The following PTPRM variants were observed in gnomAD, a reference collection of about 807,000 sequenced individuals.
PTPRM encodes receptor-type tyrosine-protein phosphatase mu.
PTPRM carries 47 observed loss-of-function variants against 186.7 expected under a neutral mutation model. The ratio of observed to expected loss-of-function variants is 0.25; its 90% CI spans 0.20 to 0.32. The LOEUF (loss-of-function observed/expected upper bound fraction) is 0.32. Ranked by LOEUF, PTPRM falls within the 10% of genes least tolerant of loss-of-function variation. PTPRM has a pLI of 1.00. For synonymous variants in PTPRM, 668 were observed against 674.9 expected, an observed-to-expected ratio of 0.99 and a Z score of 0.16; for missense variants, 1,494 against 1,865.0, an observed-to-expected ratio of 0.80 and a Z score of 3.66.
chr18:7,828,271 A>T (rs1413282049), intron 2 of PTPRM, among the ~76,000 whole-genome samples: 3 of 149,308 alleles, frequency 2.0e-5, no homozygotes, highest in Non-Finnish European at 3.0e-5. Flanking sequence ...TATTATTATT[A>T]TACTTTAAGT....
At position 8,343,647 on chromosome 18, in the gene PTPRM, C is replaced by T. The variant is rs952012335; in HGVS notation, c.3054+127C>T. 3 of 685,564 alleles carry T rather than the reference C, an allele frequency of 4.4e-6. No individual in the cohort carries two copies. In the African/African-American group the frequency reaches 5.5e-5, roughly 13 times the overall value. 42.5% of individuals were successfully genotyped at this position (685,564 alleles called of 1,614,324 possible). Reference sequence around the variant, plus strand: ...CAAAACATTAACTACTCCAGCTCCTCCTATTGCTTGCTGCACTTGCTTATA... The same window carrying T: ...CAAAACATTAACTACTCCAGCTCCTTCTATTGCTTGCTGCACTTGCTTATA... On this transcript the variant is annotated intron_variant, in intron 23 of 32. Coordinates refer to ENST00000580170, the MANE Select transcript of PTPRM (RefSeq NM_001105244.2).
rs2144461804 is a variant in PTPRM at position 7,668,770 on chromosome 18, T to C, written c.73+100879T>C. 6.6e-6 allele frequency among the ~76,000 whole-genome samples: 1 copy of C among 152,308 alleles called. No homozygotes were observed. The highest frequency in any genetic ancestry group is 3.4e-3 in the Middle Eastern group (1 of 294). On this transcript the variant is annotated intron_variant, in intron 1 of 32. Transcript: ENST00000580170. The surrounding 1 kb of genome is among the most constrained non-coding windows in gnomAD (Gnocchi z 4.7). ...CTCACCCTGGCCACTGCCACAGAAC[T>C]GCCATTCCTGCACCCAGAGGCCTAG...
At position 7,589,871 on chromosome 18, in the gene PTPRM, A is replaced by T. The variant is rs368191775; in HGVS notation, c.73+21980A>T. Among the ~76,000 whole-genome samples the T allele has an allele frequency of 2.8e-4, 42 of 152,324 alleles. No individual in the cohort carries two copies. The South Asian group carries it at 7.5e-3, about 27-fold the overall frequency. On this transcript the variant is annotated intron_variant, in intron 1 of 32. Transcript: ENST00000580170. ...TAGTTTCCAGCTGAATTCGCACCTT[A>T]TTCCAGGAAGCAGAACTTTGAGAGA...
chr18:7,723,206 A>ATTC (rs5822980), intron 1 of PTPRM, among the ~76,000 whole-genome samples: 100,621 of 151,870 alleles, frequency 0.66, 35,965 homozygotes, highest in East Asian at 0.99. Flanking sequence ...CCTACAGGCT[A>ATTC]TTAACAGGCT....
At position 7,722,047 on chromosome 18, in the gene PTPRM, T is replaced by C. The variant is rs8099647; in HGVS notation, c.74-52102T>C. Among the ~76,000 whole-genome samples, 880 of 152,344 alleles carry C rather than the reference T, an allele frequency of 5.8e-3. 7 individuals are homozygous for C. Among genetic ancestry groups the C allele is most frequent in the African/African-American group, 0.02 (824 of 41,596 alleles). ...ACATTAGGATTCACTGTTTGTATTG[T>C]ATATGCTATGGGGTTTGACAAGTAT... is the stretch of plus-strand genomic sequence containing the variant. On this transcript the variant is annotated intron_variant, in intron 1 of 32. Transcript: ENST00000580170.
At chr18:7,907,942 C>T (rs2146573104) in intron 4 of PTPRM, among the ~76,000 whole-genome samples, 1 of 149,466 alleles carries the variant, frequency 6.7e-6, no homozygotes, top group East Asian at 2.0e-4. Context: ...CCATGGTATT[C>T]TATCATATGG....
chr18:7,634,290 G>A (rs1407023045), intron 1 of PTPRM, among the ~76,000 whole-genome samples: 1 of 151,450 alleles, frequency 6.6e-6, no homozygotes, highest in Admixed American at 6.6e-5. Flanking sequence ...CCATTGTACT[G>A]TTGCCTCTCT....
intron 1 of PTPRM, among the ~76,000 whole-genome samples, chr18:7,676,894 G>A (rs2039356924): frequency 6.6e-6 from 1 of 152,116 alleles, no homozygotes; most frequent in African/African-American, 2.4e-5. Context: ...TTTGACAGGG[G>A]CTTATATGTC....
chr18:7,599,348 G>A (rs148037528), intron 1 of PTPRM, among the ~76,000 whole-genome samples: 316 of 152,316 alleles, frequency 2.1e-3, no homozygotes, highest in African/African-American at 7.2e-3. Flanking sequence ...TAGCTGAACC[G>A]CTAAAGTTAG....
intron 1 of PTPRM, among the ~76,000 whole-genome samples, chr18:7,707,498 G>C (rs73391517): frequency 6.6e-6 from 1 of 151,892 alleles, no homozygotes; most frequent in Non-Finnish European, 1.5e-5. Flanking sequence ...AATTAGCTGC[G>C]TGTAGTGGTG....
At chr18:7,718,864 A>G (rs1025460118) in intron 1 of PTPRM, among the ~76,000 whole-genome samples, 1 of 152,214 alleles carries the variant, frequency 6.6e-6, no homozygotes, top group Non-Finnish European at 1.5e-5. Flanking sequence ...ATGAGATATA[A>G]GAATGGCCAT....
At chr18:7,592,744 A>G (rs1002778676) in intron 1 of PTPRM, among the ~76,000 whole-genome samples, 7 of 139,964 alleles carry the variant, frequency 5.0e-5, no homozygotes, top group African/African-American at 1.5e-4. Flanking sequence ...GTTGATAGAG[A>G]AAGTTGTCAA....
At chr18:7,911,355 T>C (rs1338520807) in intron 4 of PTPRM, among the ~76,000 whole-genome samples, 3 of 152,234 alleles carry the variant, frequency 2.0e-5, no homozygotes, top group African/African-American at 4.8e-5. Context: ...ATTTTCCATT[T>C]CAAACAGCAG....
intron 11 of PTPRM, among the ~76,000 whole-genome samples, chr18:8,108,245 C>CAAGCCAA (rs2091607421): frequency 6.6e-6 from 1 of 151,980 alleles, no homozygotes; most frequent in Admixed American, 6.6e-5. Context: ...AATTACAAAT[C>CAAGCCAA]AAGCCAAAAG....
chr18:8,113,908 G>A (rs1016133433), intron 12 of PTPRM, 149 bp downstream of exon 12: 7 of 903,116 alleles, frequency 7.8e-6, no homozygotes, highest in African/African-American at 1.7e-5. Context: ...AATTATTTTT[G>A]TCTAGAGAAA....
chr18:7,767,409 T>C (rs2042065054), intron 1 of PTPRM, among the ~76,000 whole-genome samples: 1 of 152,214 alleles, frequency 6.6e-6, no homozygotes, highest in Non-Finnish European at 1.5e-5. Flanking sequence ...TTTAATATAC[T>C]GCTTTAAATG....
chr18:8,150,330 G>C (rs890478112), intron 14 of PTPRM, among the ~76,000 whole-genome samples: 2 of 152,066 alleles, frequency 1.3e-5, no homozygotes, highest in African/African-American at 4.8e-5. Flanking sequence ...TTTCTTGGAG[G>C]CTTTGTTAGT....
intron 14 of PTPRM, among the ~76,000 whole-genome samples, chr18:8,211,066 A>G (rs1254706938): frequency 6.6e-6 from 1 of 152,258 alleles, no homozygotes; most frequent in African/African-American, 2.4e-5. Context: ...AGATAGGATC[A>G]AAATCCTCAC....
chr18:7,679,025 T>C (rs920925727), intron 1 of PTPRM, among the ~76,000 whole-genome samples: 2 of 152,338 alleles, frequency 1.3e-5, no homozygotes, highest in Non-Finnish European at 1.5e-5. Flanking sequence ...TGCCCTTTCC[T>C]CACATCTTGC....
Sources: gnomAD v4.1 joint callset for allele counts (sites outside exome capture counted in the v4.1 genomes callset) on GRCh38, gnomAD v4.1.1 for gene constraint, Gnocchi (gnomAD v3.1) non-coding constraint, MANE v1.5 for transcripts, NCBI Gene and HGNC (gene_info 2026-07-23, HGNC 2026-07-21) for gene names.